PRAG1: variants seen among roughly 807,000 people sequenced by gnomAD.
The protein encoded by PRAG1 is inactive tyrosine-protein kinase PRAG1.
PRAG1 carries 110 observed loss-of-function variants against 95.6 expected under a neutral mutation model. The ratio of observed to expected loss-of-function variants is 1.15; its 90% confidence interval spans 0.99 to 1.35. The LOEUF (loss-of-function observed/expected upper bound fraction) is 1.35. Ranked by LOEUF, PRAG1 falls within the 40% of genes most tolerant of loss-of-function variation. The pLI is 0.00. For missense variants in PRAG1, 2,554 were observed against 1,864.7 expected (o/e 1.37, Z -6.81); for synonymous variants, 1,052 against 819.4 (o/e 1.28, Z -4.85).
chr8:8,370,332 T>C (rs1238578592), intron 3 of PRAG1, among the ~76,000 whole-genome samples: 1 of 152,226 alleles, frequency 6.6e-6, no homozygotes, highest in East Asian at 1.9e-4. Context: ...ACATATGCTT[T>C]GTTCTGTTTG....
intron 3 of PRAG1, among the ~76,000 whole-genome samples, chr8:8,350,168 A>T (rs1799476533): frequency 6.6e-6 from 1 of 152,336 alleles, no homozygotes; most frequent in South Asian, 2.1e-4. Context: ...GCCCCAGCCT[A>T]CACAGTTGTG....
At chr8:8,327,668 A>G (rs773934777) in intron 5 of PRAG1, 42 bp downstream of exon 5, 1 of 1,574,290 alleles carries the variant, frequency 6.4e-7, no homozygotes. Context: ...AGCCAGCACC[A>G]GCCAGTGGCA....
intron 3 of PRAG1, among the ~76,000 whole-genome samples, chr8:8,366,640 A>C (rs1444274982): frequency 6.6e-6 from 1 of 151,756 alleles, no homozygotes; most frequent in Admixed American, 6.6e-5. Context: ...TTGAATTACT[A>C]ACAAAAATGG....
intron 5 of PRAG1, among the ~76,000 whole-genome samples, chr8:8,326,293 T>G (rs1393502560): frequency 6.6e-6 from 1 of 150,546 alleles, no homozygotes; most frequent in Non-Finnish European, 1.5e-5. Context: ...AATATTATTT[T>G]TAAAATGTTA....
At chr8:8,356,886 C>A (rs1241414210) in intron 3 of PRAG1, among the ~76,000 whole-genome samples, 1 of 152,078 alleles carries the variant, frequency 6.6e-6, no homozygotes, top group East Asian at 1.9e-4. Context: ...CTCATGTATA[C>A]GGTCAAATGA....
At chr8:8,376,186 G>C in intron 3 of PRAG1, 61 bp downstream of exon 3, 1 of 1,562,082 alleles carries the variant, frequency 6.4e-7, no homozygotes, top group Admixed American at 1.8e-5. Context: ...GAGGGCAAAG[G>C]TTTCTTCTGG....
At chr8:8,326,775 G>A (rs563632037) in intron 5 of PRAG1, among the ~76,000 whole-genome samples, 30 of 152,252 alleles carry the variant, frequency 2.0e-4, no homozygotes, top group Admixed American at 1.7e-3. Flanking sequence ...AGACACAGAA[G>A]AGCTCAAATC....
intron 4 of PRAG1, among the ~76,000 whole-genome samples, chr8:8,334,591 A>G (rs1213674142): frequency 5.3e-5 from 8 of 151,398 alleles, no homozygotes; most frequent in Non-Finnish European, 1.0e-4. Context: ...ATCCCAGGAA[A>G]CAATAATCAA....
chr8:8,341,401 C>T (rs1047338890), intron 3 of PRAG1, among the ~76,000 whole-genome samples: 5 of 151,738 alleles, frequency 3.3e-5, no homozygotes, highest in Non-Finnish European at 5.9e-5. Flanking sequence ...TCTCAGGTGC[C>T]AGATACAAAG....
chr8:8,367,969 T>C (rs1185716757), intron 3 of PRAG1, among the ~76,000 whole-genome samples: 1 of 152,190 alleles, frequency 6.6e-6, no homozygotes, highest in Non-Finnish European at 1.5e-5. Flanking sequence ...TTTCATTAAT[T>C]TTGACTGCCA....
In PRAG1 at chr8:8,318,822, C is replaced by T; in HGVS notation, c.3553G>A (p.Ala1185Thr). 7.9e-7 allele frequency: 1 copy of T among 1,271,426 alleles called. No homozygotes were observed. Among genetic ancestry groups the T allele is most frequent in the Non-Finnish European group, 1.0e-6 (1 of 1,000,510 alleles). 78.8% of individuals were successfully genotyped at this position (1,271,426 alleles called of 1,614,324 possible). A position where few individuals can be genotyped will look rare whatever the true frequency, so the allele number is the denominator to read the frequency against. Residue 1185 changes from alanine (A) to threonine (T), a missense_variant, in exon 6 of 6, where the codon GCC becomes ACC. Physicochemically the swap from Ala to Thr is moderately conservative, Grantham distance 58. Transcript: ENST00000615670. This position sits in a 1 kb window ranked among gnomAD's most constrained non-coding sequence, Gnocchi z 4.2. ...AAAAPPCSSA[A>T]PPAGGTLSPA... ...CTGAGAGTGCCACCAGCAGGCGGGG[C>T]GGCAGAGGAGCAGGGAGGCGCGGCG...
chr8:8,341,014 T>C (rs1198178437), intron 3 of PRAG1, among the ~76,000 whole-genome samples: 1 of 152,234 alleles, frequency 6.6e-6, no homozygotes, highest in Non-Finnish European at 1.5e-5. Flanking sequence ...AATATTCTTA[T>C]ATCCACATCA....
At chr8:8,371,034 G>A (rs1800179128) in intron 3 of PRAG1, among the ~76,000 whole-genome samples, 1 of 151,560 alleles carries the variant, frequency 6.6e-6, no homozygotes, top group South Asian at 2.1e-4. Context: ...TACTTGGGAG[G>A]CTGAGGCAGG....
chr8:8,353,667 G>A (rs550374129), intron 3 of PRAG1, among the ~76,000 whole-genome samples: 5 of 152,164 alleles, frequency 3.3e-5, no homozygotes, highest in South Asian at 2.1e-4. Context: ...ACAAAACCAC[G>A]TGTGGCGCTT....
rs569309951 is a variant in PRAG1 at position 8,319,113 on chromosome 8, C to A, written c.3262G>T (p.Val1088Leu). 6.2e-7 allele frequency: 1 copy of A among 1,608,728 alleles called. No individual in the cohort carries two copies. The highest frequency in any genetic ancestry group is 8.5e-7 in the Non-Finnish European group (1 of 1,178,960). The change falls in exon 6 of 6, where the codon GTG (valine) becomes TTG (leucine). Residue 1088 changes from valine to leucine, a missense_variant. Physicochemically the swap from Val to Leu is conservative, Grantham distance 32 (BLOSUM62 1). Coordinates refer to ENST00000615670, the MANE Select transcript of PRAG1 (RefSeq NM_001080826.3). The part of the protein sequence containing the change: ...THPPAQEQDC[V>L]VVITREVPHQ... ...GGCACCTCTCGGGTGATGACCACCA[C>A]GCAGTCCTGCTCCTGGGCAGGGGGG...
At chr8:8,375,715 G>A (rs1480186217) in intron 3 of PRAG1, among the ~76,000 whole-genome samples, 2 of 151,866 alleles carry the variant, frequency 1.3e-5, no homozygotes, top group Non-Finnish European at 2.9e-5. Context: ...AATAGAGACA[G>A]GATCTCCTTA....
intron 5 of PRAG1, among the ~76,000 whole-genome samples, chr8:8,325,241 A>G (rs766442698): frequency 7.9e-5 from 12 of 152,126 alleles, no homozygotes; most frequent in African/African-American, 1.9e-4. Context: ...CGCCCCCCCA[A>G]TGACCAGGCC....
intron 4 of PRAG1, among the ~76,000 whole-genome samples, chr8:8,336,610 T>C (rs888640731): frequency 6.6e-6 from 1 of 152,252 alleles, no homozygotes; most frequent in Admixed American, 6.5e-5. Flanking sequence ...ATTTTGCCAC[T>C]GTAACATTTA....
chr8:8,356,895 G>A (rs1799699200), intron 3 of PRAG1, among the ~76,000 whole-genome samples: 1 of 152,254 alleles, frequency 6.6e-6, no homozygotes, highest in South Asian at 2.1e-4. Flanking sequence ...ACGGTCAAAT[G>A]ATTTTCAACA....
Sources: allele counts gnomAD v4.1 joint callset (sites outside exome capture counted in the v4.1 genomes callset), GRCh38; gene constraint gnomAD v4.1.1; non-coding constraint Gnocchi (gnomAD v3.1); transcripts MANE v1.5; gene names NCBI Gene and HGNC (gene_info 2026-07-23, HGNC 2026-07-21).